MARCO: variants seen among roughly 807,000 people sequenced by gnomAD.
MARCO encodes the protein macrophage receptor MARCO.
MARCO carries 72 observed loss-of-function variants against 70.0 expected under a neutral mutation model. That is an observed-to-expected ratio of 1.03 (90% CI 0.85 to 1.25). MARCO has a LOEUF of 1.25. Ranked by LOEUF, MARCO falls within the 50% of genes most tolerant of loss-of-function variation. MARCO has a pLI of 0.00. For synonymous variants in MARCO, 273 were observed against 243.1 expected (o/e 1.12, Z -1.14); for missense variants, 696 against 659.3 (o/e 1.06, Z -0.61).
intron 8 of MARCO, 126 bp from the exon 9 acceptor site, chr2:118,981,283 G>A (rs1454273859): frequency 5.9e-6 from 4 of 676,030 alleles, no homozygotes; most frequent in African/African-American, 3.7e-5. Context: ...TCCACTCGCG[G>A]GCACCAAGTA....
intron 12 of MARCO, among the ~76,000 whole-genome samples, chr2:118,986,608 A>AGAAG (rs1491205770): frequency 4.5e-5 from 1 of 22,208 alleles, no homozygotes; most frequent in Non-Finnish European, 7.3e-5. Context: ...AAAGAAAGAA[A>AGAAG]GAAAGAAAGA....
chr2:118,969,558 T>G (rs1403304745), intron 2 of MARCO, among the ~76,000 whole-genome samples: 1 of 152,238 alleles, frequency 6.6e-6, no homozygotes, highest in Non-Finnish European at 1.5e-5. Context: ...CACACACTTC[T>G]GACATCTAAG....
At chr2:118,991,154 A>G (rs1680614316) in intron 13 of MARCO, among the ~76,000 whole-genome samples, 1 of 152,096 alleles carries the variant, frequency 6.6e-6, no homozygotes, top group East Asian at 1.9e-4. Flanking sequence ...TAGGCCTCTC[A>G]AGAGCCCTGC....
Position 118,981,645 on chromosome 2 carries a change from A to G in MARCO, c.890A>G (p.Lys297Arg), listed in dbSNP as rs1204831515. Residue 297 changes from lysine to arginine, a missense_variant, in exon 10 of 17, where the codon AAA becomes AGA. Coordinates refer to ENST00000327097, the MANE Select transcript of MARCO (RefSeq NM_006770.4). ...GGTTTGGCTGGTTTTCCTGGAGCTAAAGGAGATCAAGGTAAGAACTACAGG... is the reference window on the plus strand; with the variant it reads ...GGTTTGGCTGGTTTTCCTGGAGCTAGAGGAGATCAAGGTAAGAACTACAGG... ...PPGLAGFPGA[K>R]GDQGQPGLQG... is the part of the protein sequence containing the mutation. 1 of 1,614,046 alleles carries G rather than the reference A, an allele frequency of 6.2e-7. No individual in the cohort carries two copies. Among genetic ancestry groups the G allele is most frequent in the Non-Finnish European group, 8.5e-7 (1 of 1,179,970 alleles).
At chr2:118,984,917 T>A (rs527584975) in intron 12 of MARCO, among the ~76,000 whole-genome samples, 4 of 152,182 alleles carry the variant, frequency 2.6e-5, no homozygotes, top group African/African-American at 9.7e-5. Flanking sequence ...AAATCGTTAA[T>A]CTCTCAAGAG....
intron 7 of MARCO, 95 bp from the exon 8 acceptor site, chr2:118,977,733 C>T: frequency 2.1e-6 from 2 of 969,666 alleles, no homozygotes. Context: ...GGATCCCATT[C>T]CCTTCTCTCC....
chr2:118,953,391 C>T lies in MARCO; in HGVS notation c.97+10994C>T, dbSNP rs547300051. On this transcript the variant is annotated intron_variant, in intron 1 of 16. Coordinates refer to ENST00000327097, the MANE Select transcript of MARCO (RefSeq NM_006770.4). ...AAAACTTTGAAGAGGAAACTTTTTA[C>T]TTTCTACATTTGGTGTGATTGTCAG... Among the ~76,000 whole-genome samples, 5 of 152,322 alleles carry T rather than the reference C, an allele frequency of 3.3e-5. No individual in the cohort carries two copies. The East Asian group carries it at 7.7e-4, about 23-fold the overall frequency.
intron 1 of MARCO, among the ~76,000 whole-genome samples, chr2:118,959,465 T>TA (rs1311359450): frequency 2.0e-5 from 3 of 151,844 alleles, no homozygotes; most frequent in South Asian, 2.1e-4. Context: ...ATGGCCATAA[T>TA]AAAAAAAATC....
chr2:118,947,156 T>G (rs540396564), intron 1 of MARCO, among the ~76,000 whole-genome samples: 38 of 152,310 alleles, frequency 2.5e-4, no homozygotes, highest in South Asian at 8.3e-4. Context: ...ATGCAAAAGT[T>G]TTTAATTCTG....
Position 118,986,701 on chromosome 2 carries a change from GAAAGAAAGAAAGAAAGAA to G in MARCO, c.1064-3886_1064-3869del, listed in dbSNP as rs1558671925. Among the ~76,000 whole-genome samples the G allele has an allele frequency of 3.6e-3, 318 of 89,294 alleles. 45 individuals are homozygous for G. The highest frequency in any genetic ancestry group is 0.019 in the South Asian group (37 of 1,924). 58.6% of individuals were successfully genotyped at this position (89,294 alleles called of 152,430 possible). A position where few individuals can be genotyped will look rare whatever the true frequency, so the allele number is the denominator to read the frequency against. ...AGAAAGAAAGAAAGAAAGAAAGAAA[GAAAGAAAGAAAGAAAGAA>G]AGAAAAGAAAGAAAGAAAGAGAAAG... On this transcript the variant is annotated intron_variant, in intron 12 of 16. Coordinates refer to ENST00000327097, the MANE Select transcript of MARCO (RefSeq NM_006770.4).
chr2:118,959,021 A>G (rs1679889500), intron 1 of MARCO, among the ~76,000 whole-genome samples: 1 of 152,228 alleles, frequency 6.6e-6, no homozygotes, highest in South Asian at 2.1e-4. Context: ...AAAGACCTGA[A>G]ACTGTAAACA....
At position 118,982,255 on chromosome 2, in the gene MARCO, G is replaced by T; in HGVS notation, c.1000+1G>T. The T allele has an allele frequency of 6.2e-7, 1 of 1,612,748 alleles. No homozygotes were observed. Among genetic ancestry groups the T allele is most frequent in the African/African-American group, 1.3e-5 (1 of 74,966 alleles). On this transcript the variant is annotated splice_donor_variant, in intron 11 of 16. Transcript: ENST00000327097. LOFTEE classifies it high-confidence loss of function. Reference sequence around the variant, plus strand: ...AGTGCTGGCTCCCCTGGGCGAGCAGGTGAGGTCCTGGGTCCTATGGTGGGC... The same window carrying T: ...AGTGCTGGCTCCCCTGGGCGAGCAGTTGAGGTCCTGGGTCCTATGGTGGGC...
chr2:118,992,086 C>T lies in MARCO; in HGVS notation c.1207+211C>T, dbSNP rs111698513. On this transcript the variant is annotated intron_variant, in intron 14 of 16. Coordinates refer to ENST00000327097, the MANE Select transcript of MARCO (RefSeq NM_006770.4). ...AGCGGGTTAGGCGCAGCTCTAGCAT[C>T]CAAGGCAGGGGCGTGAACATGCACT... is the stretch of plus-strand genomic sequence containing the variant. Among the ~76,000 whole-genome samples the T allele has an allele frequency of 5.3e-5, 8 of 152,306 alleles. 1 individual carries two copies. Among genetic ancestry groups the T allele is most frequent in the African/African-American group, 1.4e-4 (6 of 41,580 alleles).
chr2:118,961,310 T>C (rs1208375445), intron 1 of MARCO, among the ~76,000 whole-genome samples: 1 of 152,202 alleles, frequency 6.6e-6, no homozygotes, highest in Non-Finnish European at 1.5e-5. Context: ...TCCACAATGG[T>C]TGAACTAATT....
chr2:118,981,505 C>G lies in MARCO; in HGVS notation c.863C>G (p.Pro288Arg). Residue 288 changes from proline (P) to arginine (R), a missense_variant and splice_region_variant, in exon 9 of 17, where the codon CCA becomes CGA. Around this residue, in one of 3 missense-constraint regions of MARCO, gnomAD observed 605 missense variants for 537.6 expected, o/e 1.13. Coordinates refer to ENST00000327097, the MANE Select transcript of MARCO (RefSeq NM_006770.4). ...SKGDFGRPGP[P>R]GLAGFPGAKG... is the part of the protein sequence containing the mutation. ...GGTGACTTCGGGAGGCCAGGCCCAC[C>G]AGGTAAGAGGGCACGTGGTCACATC... The G allele has an allele frequency of 6.3e-7, 1 of 1,599,632 alleles. No homozygotes were observed. The highest frequency in any genetic ancestry group is 8.5e-7 in the Non-Finnish European group (1 of 1,176,110).
chr2:118,950,781 AT>A (rs1283828873), intron 1 of MARCO, among the ~76,000 whole-genome samples: 25 of 149,332 alleles, frequency 1.7e-4, no homozygotes, highest in Non-Finnish European at 8.9e-5. Flanking sequence ...TCCTTTTTAC[AT>A]AAATTCTCCC....
At chr2:118,973,287 C>G (rs1680210311) in intron 4 of MARCO, among the ~76,000 whole-genome samples, 1 of 151,982 alleles carries the variant, frequency 6.6e-6, no homozygotes, top group Non-Finnish European at 1.5e-5. Context: ...CTCCATGTCT[C>G]CCTCTCTCTC....
intron 1 of MARCO, among the ~76,000 whole-genome samples, chr2:118,956,653 A>G (rs112155560): frequency 0.043 from 6,490 of 152,272 alleles, 482 homozygotes; most frequent in African/African-American, 0.15. Flanking sequence ...CTTAGCAGAT[A>G]TATACAGAAC....
chr2:118,968,745 G>T (rs75330992), intron 1 of MARCO, among the ~76,000 whole-genome samples: 1,696 of 152,214 alleles, frequency 0.011, 23 homozygotes, highest in African/African-American at 0.037. Context: ...ATTTCTCCAA[G>T]TCTCACTACT....
Sources: allele counts gnomAD v4.1 joint callset (sites outside exome capture counted in the v4.1 genomes callset), GRCh38; gene constraint gnomAD v4.1.1; regional missense constraint gnomAD v4.1.1; transcripts MANE v1.5; gene names NCBI Gene and HGNC (gene_info 2026-07-23, HGNC 2026-07-21).